KDM5A: variants seen among roughly 807,000 people sequenced by gnomAD.
The protein encoded by KDM5A is lysine-specific demethylase 5A.
Under a neutral mutation model 193.5 loss-of-function variants are expected in KDM5A, and 42 were observed. The ratio of observed to expected loss-of-function variants is 0.22; its 90% confidence interval spans 0.17 to 0.28. KDM5A has a LOEUF of 0.28. KDM5A is among the 10% of genes least tolerant of loss of function. The pLI, the probability that KDM5A is intolerant of heterozygous loss-of-function variation, is 1.00. For synonymous variants in KDM5A, 796 were observed against 718.1 expected (o/e 1.11, Z -1.73); for missense variants, 1,692 against 2,055.1 (o/e 0.82, Z 3.42).
chr12:346,671 G>T (rs1373581617), intron 10 of KDM5A, among the ~76,000 whole-genome samples: 1 of 152,120 alleles, frequency 6.6e-6, no homozygotes, highest in Non-Finnish European at 1.5e-5. Flanking sequence ...AAAACTACAT[G>T]ATTATCTCAA....
intron 3 of KDM5A, among the ~76,000 whole-genome samples, chr12:374,934 C>T (rs1350641771): frequency 6.6e-6 from 1 of 152,096 alleles, no homozygotes; most frequent in Non-Finnish European, 1.5e-5. Context: ...AGAGTTTCTG[C>T]CGAGAGATCC....
At chr12:308,782 A>T (rs986567564) in intron 22 of KDM5A, among the ~76,000 whole-genome samples, 2 of 152,206 alleles carry the variant, frequency 1.3e-5, no homozygotes, top group African/African-American at 4.8e-5. Context: ...AAACAGAATC[A>T]TTTGTAGGCA....
At chr12:303,155 C>T (rs1211674963) in intron 24 of KDM5A, among the ~76,000 whole-genome samples, 1 of 152,174 alleles carries the variant, frequency 6.6e-6, no homozygotes, top group Non-Finnish European at 1.5e-5. Context: ...CCAGCAATCC[C>T]ATTACTGGGT....
intron 1 of KDM5A, chr12:388,314 G>T (rs1164929888): frequency 4.4e-6 from 2 of 455,880 alleles, no homozygotes; most frequent in South Asian, 1.5e-5. Context: ...TTGATCTTGA[G>T]TTCCCTACGT....
chr12:352,941 C>A (rs187604621), intron 8 of KDM5A, among the ~76,000 whole-genome samples: 1 of 152,342 alleles, frequency 6.6e-6, no homozygotes, highest in Admixed American at 6.5e-5. Flanking sequence ...CCTATCACAG[C>A]ATTTTGTTAA....
At chr12:331,285 T>C (rs1231547025) in intron 13 of KDM5A, among the ~76,000 whole-genome samples, 1 of 152,092 alleles carries the variant, frequency 6.6e-6, no homozygotes, top group East Asian at 1.9e-4. Context: ...AAACTACAGG[T>C]TGGTGCAAAA....
At chr12:338,084 G>A (rs944596809) in intron 10 of KDM5A, among the ~76,000 whole-genome samples, 1 of 152,212 alleles carries the variant, frequency 6.6e-6, no homozygotes, top group Non-Finnish European at 1.5e-5. Context: ...GCAGCAGTAT[G>A]CACAAAGGAG....
chr12:373,890 TTGAG>T (rs1324152881), intron 3 of KDM5A, among the ~76,000 whole-genome samples: 1 of 152,212 alleles, frequency 6.6e-6, no homozygotes, highest in African/African-American at 2.4e-5. Flanking sequence ...TTGAGTGGTT[TTGAG>T]TGAGTTTGTT....
chr12:355,318 T>C (rs1356652274), intron 6 of KDM5A, 69 bp from the exon 7 acceptor site: 1 of 829,928 alleles, frequency 1.2e-6, no homozygotes, highest in South Asian at 1.4e-5. Context: ...CCAGACACTA[T>C]TTAAAATTAT....
chr12:335,756 G>A (rs1017847572), intron 10 of KDM5A, among the ~76,000 whole-genome samples: 1 of 152,020 alleles, frequency 6.6e-6, no homozygotes, highest in East Asian at 1.9e-4. Context: ...GTCACAGAGA[G>A]GCGGGCTGGG....
At chr12:388,311 T>TAC (rs1565556254) in intron 1 of KDM5A, 2 of 455,990 alleles carry the variant, frequency 4.4e-6, no homozygotes, top group South Asian at 1.5e-5. Flanking sequence ...TCGTTGATCT[T>TAC]GAGTTCCCTA....
Position 311,007 on chromosome 12 carries a change from G to T in KDM5A, c.3094C>A (p.Pro1032Thr), listed in dbSNP as rs1444102904. Residue 1032 changes from proline (P) to threonine (T), a missense_variant, in exon 21 of 28, where the codon CCT becomes ACT. By Grantham distance (38) the Pro-to-Thr change is conservative. Coordinates refer to ENST00000399788, the MANE Select transcript of KDM5A (RefSeq NM_001042603.3). ...QLESLSAKGR[P>T]IPVRLEALPQ... The stretch of plus-strand genomic sequence containing the variant: ...AGTGCTTCAAGACGCACAGGAATAG[G>T]GCGTCCTTTCGCAGACAAGCTCTCA... 1.2e-6 allele frequency: 2 copies of T among 1,614,160 alleles called. No homozygotes were observed. Among genetic ancestry groups the T allele is most frequent in the South Asian group, 2.2e-5 (2 of 91,080 alleles).
At chr12:352,480 A>G (rs1359215459) in intron 8 of KDM5A, among the ~76,000 whole-genome samples, 156 bp from the exon 9 acceptor site, 1 of 152,224 alleles carries the variant, frequency 6.6e-6, no homozygotes, top group Non-Finnish European at 1.5e-5. Flanking sequence ...ACAATACCGT[A>G]TCAGGAAGTT....
At chr12:316,307 C>T (rs61906996) in intron 19 of KDM5A, among the ~76,000 whole-genome samples, 34,278 of 152,066 alleles carry the variant, frequency 0.23, 3,990 homozygotes, top group South Asian at 0.3. Context: ...TCTACTAGAA[C>T]GGTAGCTCCA....
chr12:386,007 T>A (rs757454549), intron 1 of KDM5A, 33 bp from the exon 2 acceptor site: 4 of 1,536,656 alleles, frequency 2.6e-6, no homozygotes, highest in Middle Eastern at 1.7e-4. Flanking sequence ...AAAAACACAG[T>A]GGTATGTAAA....
chr12:339,115 T>C (rs1368869249), intron 10 of KDM5A, among the ~76,000 whole-genome samples: 5 of 147,914 alleles, frequency 3.4e-5, no homozygotes, highest in South Asian at 2.2e-4. Context: ...GAGGCAGAGG[T>C]TGTGGTGAGC....
Position 318,477 on chromosome 12 carries a change from G to T in KDM5A, c.2542-16C>A, listed in dbSNP as rs771508234. ...CTAGCAGATTCTGAAAAGGTCAAAAGAAATAAAAATCAGAAAAACAAATTT... is the reference window on the plus strand; with the variant it reads ...CTAGCAGATTCTGAAAAGGTCAAAATAAATAAAAATCAGAAAAACAAATTT... On this transcript the variant is annotated splice_polypyrimidine_tract_variant and intron_variant, in intron 18 of 27. Coordinates refer to ENST00000399788, the MANE Select transcript of KDM5A (RefSeq NM_001042603.3). The T allele has an allele frequency of 8.8e-6, 14 of 1,588,002 alleles. No individual in the cohort carries two copies. The highest frequency in any genetic ancestry group is 1.2e-5 in the Non-Finnish European group (14 of 1,156,548).
intron 13 of KDM5A, among the ~76,000 whole-genome samples, chr12:330,917 G>GT (rs1489128462): frequency 6.6e-6 from 1 of 152,054 alleles, no homozygotes; most frequent in East Asian, 1.9e-4. Context: ...AAGTCAGTGT[G>GT]TATCATAAAT....
At chr12:289,792 A>G (rs977381703) in intron 27 of KDM5A, among the ~76,000 whole-genome samples, 1 of 151,852 alleles carries the variant, frequency 6.6e-6, no homozygotes, top group African/African-American at 2.4e-5. Flanking sequence ...GAGAAATAAT[A>G]GTAATTACTG....
Sources: gnomAD v4.1 joint callset for allele counts (sites outside exome capture counted in the v4.1 genomes callset) on GRCh38, gnomAD v4.1.1 for gene constraint, MANE v1.5 for transcripts, NCBI Gene and HGNC (gene_info 2026-07-23, HGNC 2026-07-21) for gene names.